FBN3: variants seen among roughly 807,000 people sequenced by gnomAD.
FBN3 encodes fibrillin-3.
Under a neutral mutation model 330.1 loss-of-function variants are expected in FBN3, and 234 were observed. The ratio of observed to expected loss-of-function variants is 0.71; its 90% CI spans 0.64 to 0.79. The LOEUF is 0.79. FBN3 is among the 30% of genes least tolerant of loss of function. The probability of loss-of-function intolerance (pLI) is 0.00; values close to 1 mark genes in which losing one functional copy is unlikely to be tolerated. For missense variants in FBN3, 3,606 were observed against 3,886.9 expected, an observed-to-expected ratio of 0.93 and a Z score of 1.92; for synonymous variants, 1,458 against 1,517.3, an observed-to-expected ratio of 0.96 and a Z score of 0.91.
chr19:8,124,083 C>T, intron 22 of FBN3, 75 bp from the exon 23 acceptor site: 2 of 1,293,474 alleles, frequency 1.5e-6, no homozygotes, highest in Admixed American at 2.0e-5. Flanking sequence ...GCCGCTCAGT[C>T]ACTCCCATCG....
At position 8,112,045 on chromosome 19, in the gene FBN3, A is replaced by ACCACCCAGG; in HGVS notation, c.3892_3893insCCTGGGTGG (p.Leu1298delinsProTrpValVal). ...ACAGCTGAAACTCCCCGGGATGTTGAGACAGGAGGCGTGACTGTCACAGTT... is the reference window on the plus strand; with the variant it reads ...ACAGCTGAAACTCCCCGGGATGTTGACCACCCAGGGACAGGAGGCGTGACTGTCACAGTT... On this transcript the variant is annotated protein_altering_variant, in exon 31 of 64. Coordinates refer to ENST00000600128, the MANE Select transcript of FBN3 (RefSeq NM_032447.5). The ACCACCCAGG allele has an allele frequency of 6.2e-7, 1 of 1,613,078 alleles. No individual in the cohort carries two copies. The highest frequency in any genetic ancestry group is 8.5e-7 in the Non-Finnish European group (1 of 1,179,662).
intron 62 of FBN3, 38 bp downstream of exon 62, chr19:8,073,025 G>T: frequency 7.5e-7 from 1 of 1,328,246 alleles, no homozygotes; most frequent in Non-Finnish European, 1.1e-6. Context: ...GGACGCTTGC[G>T]GGGCATGGAG....
Position 8,123,446 on chromosome 19 carries a change from G to A in FBN3, c.3082+18C>T, listed in dbSNP as rs759076178. On this transcript the variant is annotated intron_variant, in intron 24 of 63. Coordinates refer to ENST00000600128, the MANE Select transcript of FBN3 (RefSeq NM_032447.5). Reference sequence around the variant, plus strand: ...GCCAAGGATCACGCTCTCTCCAAGAGGCAGAGGTGGCACCTACCTGTGCAG... The same window carrying A: ...GCCAAGGATCACGCTCTCTCCAAGAAGCAGAGGTGGCACCTACCTGTGCAG... 2.5e-6 allele frequency: 4 copies of A among 1,612,134 alleles called. No individual in the cohort carries two copies. In the Admixed American group the frequency reaches 6.7e-5, roughly 27 times the overall value.
intron 25 of FBN3, among the ~76,000 whole-genome samples, chr19:8,119,455 A>G (rs1306157675): frequency 1.3e-5 from 2 of 152,104 alleles, no homozygotes; most frequent in East Asian, 1.9e-4. Context: ...GCCTTTGCAC[A>G]TGCTGTTCTC....
At chr19:8,086,105 G>GCAGGCAGTGGGGGGGGA (rs2081947077) in intron 55 of FBN3, 95 bp downstream of exon 55, 1 of 463,694 alleles carries the variant, frequency 2.2e-6, no homozygotes, top group Admixed American at 4.3e-5. Flanking sequence ...AGTGAAGGGG[G>GCAGGCAGTGGGGGGGGA]CAGGCAGTGG....
Position 8,096,220 on chromosome 19 carries a change from A to G in FBN3, c.5540-140T>C. The G allele has an allele frequency of 1.2e-6, 1 of 858,988 alleles. No individual in the cohort carries two copies. Among genetic ancestry groups the G allele is most frequent in the Non-Finnish European group, 1.9e-6 (1 of 525,282 alleles). 53.2% of individuals were successfully genotyped at this position (858,988 alleles called of 1,614,324 possible). On this transcript the variant is annotated intron_variant, in intron 44 of 63. Transcript: ENST00000600128. The surrounding 1 kb of genome is among the most constrained non-coding windows in gnomAD (Gnocchi z 4.6). Reference sequence around the variant, plus strand: ...GACTGGGCAGTGACCCCTGGCGGTGATGGCTGGGAAGTACTCCTGGTATGA... The same window carrying G: ...GACTGGGCAGTGACCCCTGGCGGTGGTGGCTGGGAAGTACTCCTGGTATGA...
intron 34 of FBN3, 152 bp downstream of exon 34, chr19:8,110,693 T>A: frequency 1.0e-6 from 1 of 954,202 alleles, no homozygotes. Flanking sequence ...CGGGAAATGA[T>A]GGGGACATCA....
intron 47 of FBN3, among the ~76,000 whole-genome samples, chr19:8,093,887 GA>G (rs1211929962): frequency 1.3e-5 from 2 of 152,308 alleles, no homozygotes; most frequent in East Asian, 3.9e-4. Context: ...TGGAAGCCTG[GA>G]TCAGAGGTAT....
chr19:8,108,149 G>T, intron 37 of FBN3, 21 bp downstream of exon 37: 1 of 1,606,198 alleles, frequency 6.2e-7, no homozygotes, highest in Non-Finnish European at 8.5e-7. Context: ...CAGATGGATG[G>T]ATGATCTGCC....
rs925037834 is a variant in FBN3, at chr19:8,121,800, A to T, written c.3083-414T>A. On this transcript the variant is annotated intron_variant, in intron 24 of 63. Coordinates refer to ENST00000600128, the MANE Select transcript of FBN3 (RefSeq NM_032447.5). This position sits in a 1 kb window ranked among gnomAD's most constrained non-coding sequence, Gnocchi z 4.5. ...AGTCTTGCTCTGTCACCCAGGATGG[A>T]GTGCAGTGATGCAATCTCGGCTCAC... 2.0e-5 allele frequency among the ~76,000 whole-genome samples: 3 copies of T among 151,880 alleles called. No homozygotes were observed. The highest frequency in any genetic ancestry group is 7.3e-5 in the African/African-American group (3 of 41,296).
chr19:8,105,621 G>A (rs1019921962), intron 38 of FBN3, among the ~76,000 whole-genome samples: 43 of 152,074 alleles, frequency 2.8e-4, no homozygotes, highest in African/African-American at 8.7e-4. Flanking sequence ...TTTTTCAACC[G>A]TTGAGAAAAG....
chr19:8,144,671 A>G (rs544212838), intron 6 of FBN3, among the ~76,000 whole-genome samples: 1 of 151,894 alleles, frequency 6.6e-6, no homozygotes, highest in Non-Finnish European at 1.5e-5. Flanking sequence ...CCAGACTCCA[A>G]CACAGGTGCT....
At chr19:8,087,250 G>GCACC in intron 53 of FBN3, 39 bp from the exon 54 acceptor site, 1 of 1,523,616 alleles carries the variant, frequency 6.6e-7, no homozygotes, top group African/African-American at 1.4e-5. Flanking sequence ...TCAAGGCCAG[G>GCACC]CACCCTATGG....
chr19:8,086,614 G>A (rs982323565), intron 54 of FBN3, among the ~76,000 whole-genome samples: 7 of 117,910 alleles, frequency 5.9e-5, no homozygotes, highest in Non-Finnish European at 1.0e-4. Context: ...CCGCCGCCAC[G>A]CCCAGCTATT....
chr19:8,108,822 G>C (rs915122875), intron 36 of FBN3, among the ~76,000 whole-genome samples: 1 of 152,040 alleles, frequency 6.6e-6, no homozygotes, highest in Non-Finnish European at 1.5e-5. Flanking sequence ...CTGAGCTATG[G>C]GTATGCCTCA....
chr19:8,080,318 G>A (rs773426642), intron 59 of FBN3, among the ~76,000 whole-genome samples: 3 of 152,192 alleles, frequency 2.0e-5, no homozygotes, highest in Admixed American at 1.3e-4. Flanking sequence ...TGGGGGCCAC[G>A]AGACACTAAG....
intron 56 of FBN3, among the ~76,000 whole-genome samples, chr19:8,085,161 C>T (rs941318918): frequency 2.0e-5 from 3 of 152,006 alleles, no homozygotes; most frequent in South Asian, 2.1e-4. Context: ...CCCTCAACCC[C>T]CCGAGTTCTT....
At chr19:8,132,246 T>A (rs2083166268) in intron 14 of FBN3, among the ~76,000 whole-genome samples, 1 of 152,076 alleles carries the variant, frequency 6.6e-6, no homozygotes. Context: ...CGGAGTCTCA[T>A]CATGTTGCCC....
chr19:8,122,808 G>A (rs1413725970), intron 24 of FBN3, among the ~76,000 whole-genome samples: 1 of 151,920 alleles, frequency 6.6e-6, no homozygotes, highest in East Asian at 1.9e-4. Flanking sequence ...GGGACTACAG[G>A]TGCCTGCCAC....
Sources: allele counts gnomAD v4.1 joint callset (sites outside exome capture counted in the v4.1 genomes callset), GRCh38; gene constraint gnomAD v4.1.1; non-coding constraint Gnocchi (gnomAD v3.1); transcripts MANE v1.5; gene names NCBI Gene and HGNC (gene_info 2026-07-23, HGNC 2026-07-21).